GRM5: variants seen among roughly 807,000 people sequenced by gnomAD.
GRM5 encodes the protein metabotropic glutamate receptor 5.
A neutral mutation model predicts 83.1 loss-of-function variants in GRM5; 19 were observed. The observed-to-expected ratio is 0.23, with a 90% CI of 0.16 to 0.34. GRM5 has a LOEUF of 0.34. Ranked by LOEUF, GRM5 falls within the 10% of genes least tolerant of loss-of-function variation. The pLI, the probability that GRM5 is intolerant of heterozygous loss-of-function variation, is 1.00. For synonymous variants in GRM5, 675 were observed against 633.6 expected (o/e 1.07, Z -0.98); for missense variants, 1,160 against 1,588.3 (o/e 0.73, Z 4.58).
At chr11:88,594,559 G>A (rs1446372594) in intron 6 of GRM5, among the ~76,000 whole-genome samples, 1 of 152,140 alleles carries the variant, frequency 6.6e-6, no homozygotes, top group Non-Finnish European at 1.5e-5. Flanking sequence ...TTTACCAGCT[G>A]TTGCTGTATA....
intron 9 of GRM5, among the ~76,000 whole-genome samples, chr11:88,524,379 G>A (rs547156221): frequency 4.0e-5 from 6 of 151,860 alleles, no homozygotes; most frequent in African/African-American, 1.4e-4. Context: ...CACCATGCCC[G>A]GCTAATTTTT....
Position 88,508,818 on chromosome 11 carries a change from T to A in GRM5, c.3413A>T (p.Asp1138Val), listed in dbSNP as rs574810660. The stretch of plus-strand genomic sequence containing the variant: ...GGCCGCGGGGCTCTCCCGGGCCGCG[T>A]CCCCAGCCGCCTGCGCCCCTGCCGC... ...QPAAGAQAAGDAARESPAAGP... is the reference protein window; with the variant it reads ...QPAAGAQAAGVAARESPAAGP... The change falls in exon 10 of 10, where the codon GAC becomes GTC. Residue 1138 changes from aspartate (D) to valine (V), a missense_variant. Asp to Val is a radical substitution (Grantham distance 152, BLOSUM62 -3). This residue lies in a region of GRM5 where 562 missense variants were observed against 532.4 expected (regional missense o/e 1.06). Coordinates refer to ENST00000305447, the MANE Select transcript of GRM5 (RefSeq NM_001143831.3). This position sits in a 1 kb window ranked among gnomAD's most constrained non-coding sequence, Gnocchi z 4.2. The A allele has an allele frequency of 6.5e-7, 1 of 1,528,444 alleles. No homozygotes were observed. The highest frequency in any genetic ancestry group is 2.7e-5 in the East Asian group (1 of 37,590). 94.7% of individuals were successfully genotyped at this position (1,528,444 alleles called of 1,614,324 possible).
At chr11:88,829,276 T>C (rs1035957257) in intron 3 of GRM5, among the ~76,000 whole-genome samples, 2 of 152,046 alleles carry the variant, frequency 1.3e-5, no homozygotes, top group Non-Finnish European at 2.9e-5. Flanking sequence ...GCCTGGCCAA[T>C]GTGGCAAAAC....
chr11:88,756,101 A>C lies in GRM5; in HGVS notation c.911+93805T>G, dbSNP rs551777273. On this transcript the variant is annotated intron_variant, in intron 3 of 9. Transcript: ENST00000305447. ...CCCATCTAGGGATTGGTGATCCATA[A>C]ATTTTTGCCTCCAATAGACATGGAA... 7.9e-5 allele frequency among the ~76,000 whole-genome samples: 12 copies of C among 152,280 alleles called. No homozygotes were observed. The East Asian group carries it at 2.3e-3, about 29-fold the overall frequency.
intron 2 of GRM5, among the ~76,000 whole-genome samples, chr11:88,975,230 T>C (rs550517572): frequency 5.9e-5 from 9 of 152,234 alleles, no homozygotes; most frequent in African/African-American, 1.7e-4. Context: ...GAATAAAATC[T>C]TGACGTTTCA....
intron 2 of GRM5, among the ~76,000 whole-genome samples, chr11:88,938,951 C>T (rs538021495): frequency 2.5e-4 from 38 of 151,854 alleles, no homozygotes; most frequent in African/African-American, 9.1e-4. Context: ...CTCTCCATAA[C>T]TGTGAATTTG....
At chr11:88,785,512 C>T (rs938389041) in intron 3 of GRM5, among the ~76,000 whole-genome samples, 2 of 152,020 alleles carry the variant, frequency 1.3e-5, no homozygotes, top group East Asian at 3.9e-4. Flanking sequence ...GACCTCAAAA[C>T]ATCTATAGTT....
chr11:88,763,886 C>A (rs1030358775), intron 3 of GRM5, among the ~76,000 whole-genome samples: 1 of 151,426 alleles, frequency 6.6e-6, no homozygotes, highest in Non-Finnish European at 1.5e-5. Flanking sequence ...TCATTTATTG[C>A]CTTAAATGTA....
intron 3 of GRM5, among the ~76,000 whole-genome samples, chr11:88,768,960 C>A (rs1244839622): frequency 1.3e-5 from 2 of 152,098 alleles, no homozygotes; most frequent in East Asian, 3.9e-4. Context: ...TCCCTTCAAA[C>A]CTCCATGAAT....
rs1157434843 is a variant in GRM5, at chr11:88,509,274, C to A, written c.2957G>T (p.Gly986Val). ...GTCTGGGGACTCGGGCCCGCCTGGG[C>A]CGGCGCCTGCGCAGCCCGCACCGCC... ...ATGGAGCAGA[G>V]PGGPESPDAG... The change falls in exon 10 of 10, where the codon GGC (glycine) becomes GTC (valine). Residue 986 changes from glycine (G) to valine (V), a missense_variant. Coordinates refer to ENST00000305447, the MANE Select transcript of GRM5 (RefSeq NM_001143831.3). 6.8e-7 allele frequency: 1 copy of A among 1,466,030 alleles called. No individual in the cohort carries two copies. Among genetic ancestry groups the A allele is most frequent in the Non-Finnish European group, 9.0e-7 (1 of 1,113,962 alleles). The allele number at this position is 1,466,030 out of a possible 1,614,324, so 90.8% of individuals were successfully genotyped here. A position where few individuals can be genotyped will look rare whatever the true frequency, so the allele number is the denominator to read the frequency against.
intron 3 of GRM5, among the ~76,000 whole-genome samples, chr11:88,694,010 C>T (rs1266330185): frequency 6.6e-6 from 1 of 152,138 alleles, no homozygotes; most frequent in African/African-American, 2.4e-5. Context: ...ATGGTTTAAT[C>T]TTGACTCTTT....
chr11:89,007,530 G>T (rs1940563676), intron 2 of GRM5, among the ~76,000 whole-genome samples: 1 of 152,170 alleles, frequency 6.6e-6, no homozygotes, highest in South Asian at 2.1e-4. Context: ...ATAGAGCATA[G>T]ATGCAAGACA....
chr11:88,551,806 G>T (rs1942515896), intron 8 of GRM5, among the ~76,000 whole-genome samples: 2 of 152,112 alleles, frequency 1.3e-5, no homozygotes, highest in Non-Finnish European at 2.9e-5. Context: ...TGGGCACATG[G>T]TACATCACCA....
chr11:88,541,192 C>T (rs1942257620), intron 8 of GRM5, among the ~76,000 whole-genome samples: 1 of 152,054 alleles, frequency 6.6e-6, no homozygotes. Flanking sequence ...AGCAGATTTC[C>T]ACACTGCCGA....
chr11:88,593,669 T>TC (rs1369054740), intron 6 of GRM5, among the ~76,000 whole-genome samples: 4 of 136,848 alleles, frequency 2.9e-5, no homozygotes, highest in African/African-American at 1.3e-4. Context: ...AGAGCAAGAC[T>TC]CCGTCTCAAA....
At chr11:89,006,430 C>T in intron 2 of GRM5, among the ~76,000 whole-genome samples, 1 of 152,192 alleles carries the variant, frequency 6.6e-6, no homozygotes, top group Non-Finnish European at 1.5e-5. Context: ...CTCCCTGCTT[C>T]CACCTGGACC....
intron 3 of GRM5, among the ~76,000 whole-genome samples, chr11:88,776,788 G>C (rs1942861523): frequency 6.6e-6 from 1 of 152,162 alleles, no homozygotes; most frequent in African/African-American, 2.4e-5. Flanking sequence ...CTGGCTTGTA[G>C]GGTTTCTGCT....
chr11:88,721,221 A>T (rs1473787598), intron 3 of GRM5, among the ~76,000 whole-genome samples: 2 of 152,100 alleles, frequency 1.3e-5, no homozygotes, highest in Non-Finnish European at 2.9e-5. Context: ...ATAACAGTGA[A>T]TATTTTCATC....
chr11:89,029,719 G>A (rs1287084335), intron 2 of GRM5, among the ~76,000 whole-genome samples: 1 of 152,092 alleles, frequency 6.6e-6, no homozygotes, highest in African/African-American at 2.4e-5. Context: ...AAAGGATGAG[G>A]CCTACTGAAA....
Sources: allele counts gnomAD v4.1 joint callset (sites outside exome capture counted in the v4.1 genomes callset), GRCh38; gene constraint gnomAD v4.1.1; regional missense constraint gnomAD v4.1.1; non-coding constraint Gnocchi (gnomAD v3.1); transcripts MANE v1.5; gene names NCBI Gene and HGNC (gene_info 2026-07-23, HGNC 2026-07-21).